The following ANKFN1 variants were observed in gnomAD, a reference collection of about 807,000 sequenced individuals.
ANKFN1 encodes the protein ankyrin repeat and fibronectin type III domain containing 1.
In ANKFN1, 74 loss-of-function variants were observed where a neutral mutation model predicts 108.7. The ratio of observed to expected loss-of-function variants is 0.68; its 90% CI spans 0.56 to 0.83. ANKFN1 has a LOEUF of 0.83. Ranked by LOEUF, ANKFN1 falls within the 40% of genes least tolerant of loss-of-function variation. The pLI, the probability that ANKFN1 is intolerant of heterozygous loss-of-function variation, is 0.00. For synonymous variants in ANKFN1, 547 were observed against 516.2 expected, an observed-to-expected ratio of 1.06 and a Z score of -0.81; for missense variants, 1,505 against 1,382.3, an observed-to-expected ratio of 1.09 and a Z score of -1.41.
At chr17:56,391,684 C>T (rs1043687833) in intron 8 of ANKFN1, among the ~76,000 whole-genome samples, 4 of 151,978 alleles carry the variant, frequency 2.6e-5, no homozygotes, top group Admixed American at 2.6e-4. Flanking sequence ...CCTCGGCCTC[C>T]CAAAGTGCTG....
intron 8 of ANKFN1, among the ~76,000 whole-genome samples, chr17:56,374,950 T>A (rs2046906849): frequency 6.6e-6 from 1 of 152,160 alleles, no homozygotes; most frequent in South Asian, 2.1e-4. Context: ...GTCCCTCAAT[T>A]ACTGTTTCAT....
At chr17:56,455,677 A>ATATTATTTGC (rs1446391199) in intron 11 of ANKFN1, among the ~76,000 whole-genome samples, 1 of 152,226 alleles carries the variant, frequency 6.6e-6, no homozygotes, top group African/African-American at 2.4e-5. Flanking sequence ...GCTCCATGCA[A>ATATTATTTGC]TATTATTTGC....
At chr17:56,411,522 A>G (rs1412112537) in intron 8 of ANKFN1, among the ~76,000 whole-genome samples, 1 of 152,288 alleles carries the variant, frequency 6.6e-6, no homozygotes, top group Non-Finnish European at 1.5e-5. Context: ...TTCTAGTAAT[A>G]TGTTGAATAG....
intron 3 of ANKFN1, among the ~76,000 whole-genome samples, chr17:56,232,183 T>C (rs1222688110): frequency 6.6e-6 from 1 of 152,186 alleles, no homozygotes; most frequent in Non-Finnish European, 1.5e-5. Flanking sequence ...TCTTCAGCCA[T>C]TCTTCACACG....
At chr17:56,448,657 A>G (rs8082082) in intron 10 of ANKFN1, among the ~76,000 whole-genome samples, 11,749 of 152,234 alleles carry the variant, frequency 0.077, 1,509 homozygotes, top group African/African-American at 0.27. Context: ...TGTGGATTTC[A>G]TCTAGTCTGC....
At position 56,095,350 on chromosome 17, in the gene ANKFN1, G is replaced by A. The variant is rs369077449; in HGVS notation, c.288+49025G>A. 5.3e-5 allele frequency among the ~76,000 whole-genome samples: 8 copies of A among 149,756 alleles called. 1 individual carries two copies. The highest frequency in any genetic ancestry group is 2.0e-4 in the African/African-American group (8 of 40,668). ...TCAGGGTCTCAGGCTAAAGGGAAGTGTTGGAATCATAGCTCAGTGCAACCT... is the reference window on the plus strand; with the variant it reads ...TCAGGGTCTCAGGCTAAAGGGAAGTATTGGAATCATAGCTCAGTGCAACCT... On this transcript the variant is annotated intron_variant, in intron 4 of 12. Coordinates refer to the ANKFN1 transcript ENST00000635860.
At chr17:56,193,370 T>G (rs1369307238) in intron 1 of ANKFN1, among the ~76,000 whole-genome samples, 3 of 148,422 alleles carry the variant, frequency 2.0e-5, no homozygotes, top group Non-Finnish European at 3.0e-5. Flanking sequence ...ACCTGCACAA[T>G]GTGCACATGT....
intron 11 of ANKFN1, among the ~76,000 whole-genome samples, chr17:56,450,491 T>C (rs186439197): frequency 1.7e-4 from 26 of 152,338 alleles, no homozygotes; most frequent in African/African-American, 5.5e-4. Flanking sequence ...TAAATATGCA[T>C]GCAGTAGCTC....
chr17:56,300,958 C>T (rs963209916), intron 3 of ANKFN1, among the ~76,000 whole-genome samples: 3 of 152,224 alleles, frequency 2.0e-5, no homozygotes, highest in Admixed American at 6.5e-5. Flanking sequence ...ACTGTAGCCA[C>T]TAATTCCAAA....
chr17:56,308,167 A>C (rs1567902135), intron 3 of ANKFN1, among the ~76,000 whole-genome samples: 1 of 152,112 alleles, frequency 6.6e-6, no homozygotes, highest in Admixed American at 6.5e-5. Context: ...CAGCACACCA[A>C]CATAGCACAT....
chr17:56,096,997 T>G (rs983257983), intron 4 of ANKFN1, among the ~76,000 whole-genome samples: 3 of 152,010 alleles, frequency 2.0e-5, no homozygotes, highest in Admixed American at 6.6e-5. Flanking sequence ...TTATCCTAAG[T>G]GAATTAAGAG....
intron 3 of ANKFN1, among the ~76,000 whole-genome samples, chr17:56,241,770 C>G (rs1227470882): frequency 1.3e-5 from 2 of 152,018 alleles, no homozygotes; most frequent in African/African-American, 4.8e-5. Flanking sequence ...ATGCCACTAT[C>G]ACTAGTCTTC....
rs114495013 is a variant in ANKFN1 at position 56,476,108 on chromosome 17, A to G, written c.1774-1380A>G. 1.7e-3 allele frequency among the ~76,000 whole-genome samples: 260 copies of G among 152,328 alleles called. 4 individuals carry two copies. Among genetic ancestry groups the G allele is most frequent in the East Asian group, 0.01 (54 of 5,182 alleles). On this transcript the variant is annotated intron_variant, in intron 15 of 20. Transcript: ENST00000682825. Reference sequence around the variant, plus strand: ...TGTGAGAACTCACTATCATGAGAACAGCAAGGAGGAAATCCACACCCATGA... The same window carrying G: ...TGTGAGAACTCACTATCATGAGAACGGCAAGGAGGAAATCCACACCCATGA...
At position 56,498,913 on chromosome 17, in the gene ANKFN1, G is replaced by A. The variant is rs1425517352; in HGVS notation, c.2459G>A (p.Trp820Ter). The A allele has an allele frequency of 6.5e-7, 1 of 1,535,604 alleles. No individual in the cohort carries two copies. The highest frequency in any genetic ancestry group is 2.4e-5 in the East Asian group (1 of 40,896). The change falls in exon 20 of 21, where the codon TGG becomes TAG. Residue 820 changes from tryptophan (W) to a stop codon, truncating the protein, a stop_gained. Coordinates refer to ENST00000682825, the MANE Select transcript of ANKFN1 (RefSeq NM_001370326.1). LOFTEE classifies it high-confidence loss of function. ...GATGAAGTCTGGCGTGAAATGAGAT[G>A]GATCATGGATGCTCTACAGTATGCA... is the stretch of plus-strand genomic sequence containing the variant. Reference protein sequence around the residue: ...QIDEVWREMRWIMDALQYARY... With the variant: ...QIDEVWREMR
chr17:56,338,589 T>C (rs969249260), intron 4 of ANKFN1, among the ~76,000 whole-genome samples: 1 of 152,062 alleles, frequency 6.6e-6, no homozygotes, highest in Non-Finnish European at 1.5e-5. Context: ...CCAGTCTTTT[T>C]AAAGGACTCT....
chr17:56,250,395 A>G (rs939367911), intron 3 of ANKFN1, among the ~76,000 whole-genome samples: 2 of 152,248 alleles, frequency 1.3e-5, no homozygotes, highest in Non-Finnish European at 2.9e-5. Flanking sequence ...TGTCTGCCAT[A>G]GGCACACTAG....
chr17:56,307,797 T>A (rs952408138), intron 3 of ANKFN1, among the ~76,000 whole-genome samples: 2 of 152,190 alleles, frequency 1.3e-5, no homozygotes, highest in African/African-American at 4.8e-5. Context: ...ATTGCAGCAC[T>A]ATTCACAATA....
At chr17:56,083,104 G>A (rs7224448) in intron 4 of ANKFN1, among the ~76,000 whole-genome samples, 11,247 of 151,344 alleles carry the variant, frequency 0.074, 831 homozygotes, top group East Asian at 0.16. Flanking sequence ...GCTGACAGTC[G>A]AGAACTGAAA....
At chr17:56,130,378 T>C (rs964593221) in intron 4 of ANKFN1, among the ~76,000 whole-genome samples, 1 of 152,182 alleles carries the variant, frequency 6.6e-6, no homozygotes, top group African/African-American at 2.4e-5. Flanking sequence ...GGTTCTTTTA[T>C]AGTTACAGCA....
Sources: allele counts gnomAD v4.1 joint callset (sites outside exome capture counted in the v4.1 genomes callset), GRCh38; gene constraint gnomAD v4.1.1; transcripts MANE v1.5; gene names NCBI Gene and HGNC (gene_info 2026-07-23, HGNC 2026-07-21).